WWC2: variants seen among roughly 807,000 people sequenced by gnomAD.
WWC2 encodes the protein WW and C2 domain containing 2.
In WWC2, 101 loss-of-function variants were observed where a neutral mutation model predicts 138.5. The observed-to-expected ratio is 0.73, with a 90% CI of 0.62 to 0.86. WWC2 has a LOEUF of 0.86. Ranked by LOEUF, WWC2 falls within the 40% of genes least tolerant of loss-of-function variation. WWC2 has a pLI of 0.00. For missense variants in WWC2, 1,420 were observed against 1,419.4 expected (o/e 1.00, Z -0.01); for synonymous variants, 558 against 538.4 (o/e 1.04, Z -0.50).
At chr4:183,155,763 G>C (rs1220768372) in intron 1 of WWC2, among the ~76,000 whole-genome samples, 1 of 152,134 alleles carries the variant, frequency 6.6e-6, no homozygotes, top group Non-Finnish European at 1.5e-5. Flanking sequence ...GTCCTTTTCT[G>C]TACGTGAGTG....
At chr4:183,251,318 C>T (rs889573613) in intron 8 of WWC2, among the ~76,000 whole-genome samples, 6 of 152,184 alleles carry the variant, frequency 3.9e-5, no homozygotes, top group Non-Finnish European at 8.8e-5. Context: ...CTGGGCAGGG[C>T]TGTGGACAAA....
chr4:183,173,431 A>G (rs1221303218), intron 1 of WWC2, among the ~76,000 whole-genome samples: 1 of 152,054 alleles, frequency 6.6e-6, no homozygotes, highest in Non-Finnish European at 1.5e-5. Flanking sequence ...CTCTGAAGAA[A>G]TGAATTCTTC....
chr4:183,277,287 A>T (rs1737892225), intron 16 of WWC2, among the ~76,000 whole-genome samples: 1 of 151,122 alleles, frequency 6.6e-6, no homozygotes. Context: ...AATTTCATCC[A>T]TGTCCCTACA....
intron 1 of WWC2, among the ~76,000 whole-genome samples, chr4:183,175,098 T>C (rs1397349051): frequency 6.6e-6 from 1 of 152,190 alleles, no homozygotes; most frequent in Non-Finnish European, 1.5e-5. Context: ...TAGTTCAGCA[T>C]ACATTTCCCA....
rs773041932 is a variant in WWC2 at position 183,265,953 on chromosome 4, T to G, written c.2207+2T>G. 3 of 1,609,410 alleles carry G rather than the reference T, an allele frequency of 1.9e-6. No individual in the cohort carries two copies. The Admixed American group carries it at 5.0e-5, about 27-fold the overall frequency. On this transcript the variant is annotated splice_donor_variant, in intron 14 of 22. Coordinates refer to ENST00000403733, the MANE Select transcript of WWC2 (RefSeq NM_024949.6). LOFTEE classifies it high-confidence loss of function. Reference sequence around the variant, plus strand: ...CTTGATACCTCATACTTCAAAAGTGTAAGTAAAATCAGCGAAGATCAAATT... The same window carrying G: ...CTTGATACCTCATACTTCAAAAGTGGAAGTAAAATCAGCGAAGATCAAATT...
intron 1 of WWC2, among the ~76,000 whole-genome samples, chr4:183,100,511 C>T (rs905449209): frequency 2.0e-5 from 3 of 152,116 alleles, no homozygotes; most frequent in African/African-American, 7.2e-5. Flanking sequence ...AGGAGATATT[C>T]CTAATTGTAA....
chr4:183,102,151 C>T (rs888662780), intron 1 of WWC2, among the ~76,000 whole-genome samples: 2 of 152,178 alleles, frequency 1.3e-5, no homozygotes, highest in Non-Finnish European at 2.9e-5. Flanking sequence ...TATTGCTCCA[C>T]TTCTTACTTT....
chr4:183,213,675 C>T (rs1048573835), intron 4 of WWC2, among the ~76,000 whole-genome samples: 1 of 151,986 alleles, frequency 6.6e-6, no homozygotes, highest in Non-Finnish European at 1.5e-5. Context: ...ACAGTACTTC[C>T]CGATACCTTA....
intron 1 of WWC2, among the ~76,000 whole-genome samples, chr4:183,160,318 C>T (rs1422970950): frequency 3.3e-5 from 5 of 152,048 alleles, no homozygotes; most frequent in East Asian, 3.9e-4. Context: ...AGTTGAAAGA[C>T]GAATTAGCCA....
chr4:183,209,187 A>C (rs1164571191), intron 4 of WWC2, among the ~76,000 whole-genome samples, 162 bp downstream of exon 4: 1 of 152,138 alleles, frequency 6.6e-6, no homozygotes, highest in Non-Finnish European at 1.5e-5. Context: ...ACAAGTTCAG[A>C]GTGTGGGATA....
At chr4:183,182,026 ATAT>A (rs532525086) in intron 1 of WWC2, among the ~76,000 whole-genome samples, 2 of 152,196 alleles carry the variant, frequency 1.3e-5, no homozygotes, top group Non-Finnish European at 2.9e-5. Flanking sequence ...TTTGTACATA[ATAT>A]TATATCTACA....
At chr4:183,257,735 G>T (rs73872305) in intron 9 of WWC2, among the ~76,000 whole-genome samples, 4,397 of 152,232 alleles carry the variant, frequency 0.029, 202 homozygotes, top group African/African-American at 0.1. Context: ...GAGACAAACT[G>T]CGGCCCACTA....
chr4:183,285,864 A>G (rs1738230746), intron 19 of WWC2, 103 bp from the exon 20 acceptor site: 1 of 1,055,264 alleles, frequency 9.5e-7, no homozygotes, highest in Non-Finnish European at 1.4e-6. Context: ...ATAAACTCTT[A>G]ACTATGACTA....
At chr4:183,185,771 G>A (rs1350913739) in intron 1 of WWC2, among the ~76,000 whole-genome samples, 1 of 151,970 alleles carries the variant, frequency 6.6e-6, no homozygotes, top group Non-Finnish European at 1.5e-5. Context: ...GGAGAGGAGT[G>A]TTTATTTTTT....
intron 1 of WWC2, among the ~76,000 whole-genome samples, chr4:183,171,394 G>C (rs1734275020): frequency 6.6e-6 from 1 of 152,072 alleles, no homozygotes; most frequent in African/African-American, 2.4e-5. Context: ...CTAGAGTTTA[G>C]TTATACTAAA....
At chr4:183,177,273 T>G (rs1361015180) in intron 1 of WWC2, among the ~76,000 whole-genome samples, 1 of 152,186 alleles carries the variant, frequency 6.6e-6, no homozygotes, top group African/African-American at 2.4e-5. Context: ...CGTATTACAT[T>G]GTCAACTAGA....
In WWC2 at chr4:183,237,549, T is replaced by G. The variant is rs118048209; in HGVS notation, c.523-2634T>G. On this transcript the variant is annotated intron_variant, in intron 4 of 22. Transcript: ENST00000403733. The stretch of plus-strand genomic sequence containing the variant: ...GCCTTCTCCAGGAGTTCCACCCTCA[T>G]CCCCAAGCCATAAGTAATCCTTTCC... 1.1e-3 allele frequency among the ~76,000 whole-genome samples: 163 copies of G among 152,294 alleles called. 1 individual carries two copies. In the East Asian group the frequency reaches 0.021, roughly 19 times the overall value.
chr4:183,293,871 CCG>C (rs1311451961), intron 21 of WWC2, among the ~76,000 whole-genome samples: 1 of 151,914 alleles, frequency 6.6e-6, no homozygotes, highest in Non-Finnish European at 1.5e-5. Context: ...CAAAAATAAA[CCG>C]TACAGTATAG....
chr4:183,211,975 C>T (rs1468284556), intron 4 of WWC2, among the ~76,000 whole-genome samples: 2 of 152,062 alleles, frequency 1.3e-5, no homozygotes, highest in Non-Finnish European at 2.9e-5. Context: ...GCACCTGCCA[C>T]CACGCCCGGC....
Sources: gnomAD v4.1 joint callset for allele counts (sites outside exome capture counted in the v4.1 genomes callset) on GRCh38, gnomAD v4.1.1 for gene constraint, MANE v1.5 for transcripts, NCBI Gene and HGNC (gene_info 2026-07-23, HGNC 2026-07-21) for gene names.